PIK3R5: variants seen among roughly 807,000 people sequenced by gnomAD.
The protein encoded by PIK3R5 is phosphoinositide-3-kinase regulatory subunit 5.
A neutral mutation model predicts 94.9 loss-of-function variants in PIK3R5; 32 were observed. The ratio of observed to expected loss-of-function variants is 0.34; its 90% CI spans 0.25 to 0.45. The LOEUF (loss-of-function observed/expected upper bound fraction) is 0.45. Among genes scored for constraint, PIK3R5 ranks in the 20% least tolerant of loss-of-function variants. PIK3R5 has a pLI of 1.00. For missense variants in PIK3R5, 853 were observed against 1,144.6 expected (o/e 0.75, Z 3.68); for synonymous variants, 443 against 479.4 (o/e 0.92, Z 0.99).
intron 15 of PIK3R5, among the ~76,000 whole-genome samples, chr17:8,883,332 C>A (rs1301822391): frequency 6.6e-6 from 1 of 152,334 alleles, no homozygotes; most frequent in Non-Finnish European, 1.5e-5. Context: ...TGAGCCATTG[C>A]ACTCTAGCCT....
chr17:8,921,869 A>G (rs1032071107), intron 1 of PIK3R5, among the ~76,000 whole-genome samples: 3 of 152,222 alleles, frequency 2.0e-5, no homozygotes, highest in African/African-American at 7.2e-5. Flanking sequence ...TGGATTTGTC[A>G]AAGATTTCTT....
At chr17:8,905,808 G>T in intron 3 of PIK3R5, 71 bp from the exon 4 acceptor site, 1 of 909,354 alleles carries the variant, frequency 1.1e-6, no homozygotes, top group Non-Finnish European at 1.6e-6. Flanking sequence ...AGAATACAGT[G>T]GTTCTTCCTC....
intron 15 of PIK3R5, among the ~76,000 whole-genome samples, chr17:8,883,831 C>T (rs2089743115): frequency 6.6e-6 from 1 of 152,198 alleles, no homozygotes; most frequent in South Asian, 2.1e-4. Flanking sequence ...CCTTTGTTCA[C>T]TCTTAGGAAG....
In PIK3R5 at chr17:8,955,341, T is replaced by C. The variant is rs545346325; in HGVS notation, c.-14+10255A>G. On this transcript the variant is annotated intron_variant, in intron 1 of 18. Coordinates refer to ENST00000447110, the MANE Select transcript of PIK3R5 (RefSeq NM_001142633.3). This position sits in a 1 kb window ranked among gnomAD's most constrained non-coding sequence, Gnocchi z 4.4. ...GAGAGTCAGCACTGAACAAAATGAT[T>C]GGAAAGCTTCCCTCATTGGGAAGGG... Among the ~76,000 whole-genome samples, 1 of 152,164 alleles carries C rather than the reference T, an allele frequency of 6.6e-6. No individual in the cohort carries two copies. Among genetic ancestry groups the C allele is most frequent in the East Asian group, 1.9e-4 (1 of 5,184 alleles).
rs764005691 is a variant in PIK3R5 at position 8,887,667 on chromosome 17, G to A, written c.1633C>T (p.Arg545Cys). ...TTGAAGAACCGTGTGAGGAGTGGGC[G>A]ATTGTTCTCCAGCCGCCTGGCAAGA... The part of the protein sequence containing the change: ...YSNLRRLENN[R>C]PLLTRFFKLQ... The change falls in exon 11 of 19, where the codon CGC becomes TGC. Residue 545 changes from arginine to cysteine, a missense_variant. Arg to Cys is a radical substitution (Grantham distance 180). Transcript: ENST00000447110. The A allele has an allele frequency of 2.2e-5, 36 of 1,601,326 alleles. No homozygotes were observed. Among genetic ancestry groups the A allele is most frequent in the South Asian group, 4.5e-5 (4 of 89,040 alleles).
chr17:8,919,194 T>C, intron 1 of PIK3R5, among the ~76,000 whole-genome samples: 1 of 152,366 alleles, frequency 6.6e-6, no homozygotes, highest in Middle Eastern at 3.4e-3. Context: ...ATGAGGTCTG[T>C]CGTTTAGTTA....
chr17:8,912,852 C>G (rs886402116), intron 1 of PIK3R5, among the ~76,000 whole-genome samples: 4 of 152,242 alleles, frequency 2.6e-5, no homozygotes, highest in Admixed American at 6.5e-5. Flanking sequence ...AAAACTAAGC[C>G]CTTTGTGAGC....
At chr17:8,919,104 A>C (rs547018818) in intron 1 of PIK3R5, among the ~76,000 whole-genome samples, 1 of 152,346 alleles carries the variant, frequency 6.6e-6, no homozygotes, top group East Asian at 1.9e-4. Context: ...GGAGACACAA[A>C]GGCTAAATGC....
At chr17:8,959,969 G>A (rs986495363) in intron 1 of PIK3R5, among the ~76,000 whole-genome samples, 5 of 152,178 alleles carry the variant, frequency 3.3e-5, no homozygotes, top group Admixed American at 2.0e-4. Context: ...AGCGGGACAC[G>A]CTATCTGGTG....
chr17:8,912,845 A>G (rs1230198224), intron 1 of PIK3R5, among the ~76,000 whole-genome samples: 1 of 152,224 alleles, frequency 6.6e-6, no homozygotes, highest in Non-Finnish European at 1.5e-5. Context: ...CCAAGTGAAA[A>G]CTAAGCCCTT....
Position 8,889,092 on chromosome 17 carries a change from C to T in PIK3R5, c.895+47G>A, listed in dbSNP as rs1475073081. ...CATGGACCCAGGACCAGAAACACAGCTCAGGCAGTGTGGGGCATGGGTGTC... is the reference window on the plus strand; with the variant it reads ...CATGGACCCAGGACCAGAAACACAGTTCAGGCAGTGTGGGGCATGGGTGTC... On this transcript the variant is annotated intron_variant, in intron 9 of 18. Coordinates refer to ENST00000447110, the MANE Select transcript of PIK3R5 (RefSeq NM_001142633.3). This position sits in a 1 kb window ranked among gnomAD's most constrained non-coding sequence, Gnocchi z 4.1. The T allele has an allele frequency of 2.5e-6, 4 of 1,580,436 alleles. No homozygotes were observed. The highest frequency in any genetic ancestry group is 3.5e-6 in the Non-Finnish European group (4 of 1,157,582).
In PIK3R5 at chr17:8,904,665, G is replaced by T; in HGVS notation, c.412+112C>A. The T allele has an allele frequency of 9.5e-7, 1 of 1,051,024 alleles. No individual in the cohort carries two copies. Among genetic ancestry groups the T allele is most frequent in the Non-Finnish European group, 1.4e-6 (1 of 705,566 alleles). 65.1% of individuals were successfully genotyped at this position (1,051,024 alleles called of 1,614,324 possible). ...GTTTGTGAACCAAGGCGTTGGCAGA[G>T]ATGAATCAAAGGATGCAAGGTAAGG... On this transcript the variant is annotated intron_variant, in intron 5 of 18. Coordinates refer to ENST00000447110, the MANE Select transcript of PIK3R5 (RefSeq NM_001142633.3). The surrounding 1 kb of genome is among the most constrained non-coding windows in gnomAD (Gnocchi z 5.1).
Position 8,887,142 on chromosome 17 carries a change from C to T in PIK3R5, c.1859G>A (p.Arg620His), listed in dbSNP as rs1344760998. The T allele has an allele frequency of 6.8e-6, 11 of 1,613,908 alleles. No individual in the cohort carries two copies. The highest frequency in any genetic ancestry group is 1.1e-5 in the South Asian group (1 of 91,092). Residue 620 changes from arginine (R) to histidine (H), a missense_variant, in exon 12 of 19, where the codon CGC becomes CAC. Transcript: ENST00000447110. Reference sequence around the variant, plus strand: ...CAGGTGCATGAGGCCCAGTACATTGCGCTCATACCAGGGGTCCAGCATGCC... The same window carrying T: ...CAGGTGCATGAGGCCCAGTACATTGTGCTCATACCAGGGGTCCAGCATGCC... ...YLGMLDPWYERNVLGLMHLPP... is the reference protein window; with the variant it reads ...YLGMLDPWYEHNVLGLMHLPP...
chr17:8,931,517 T>C (rs903334231), intron 1 of PIK3R5, among the ~76,000 whole-genome samples: 1 of 152,120 alleles, frequency 6.6e-6, no homozygotes, highest in Non-Finnish European at 1.5e-5. Context: ...GGAAGGCACT[T>C]CCGTTGTTTG....
chr17:8,951,701 TAATA>T (rs1156271521), intron 1 of PIK3R5, among the ~76,000 whole-genome samples: 1 of 152,214 alleles, frequency 6.6e-6, no homozygotes, highest in Non-Finnish European at 1.5e-5. Context: ...TGTTTTTTAT[TAATA>T]GTTTTCAGCA....
intron 1 of PIK3R5, among the ~76,000 whole-genome samples, chr17:8,942,895 T>C (rs545108351): frequency 3.7e-4 from 56 of 151,364 alleles, no homozygotes; most frequent in Admixed American, 2.0e-3. Flanking sequence ...TGTGAACCAC[T>C]GCACCCGGCC....
At position 8,945,222 on chromosome 17, in the gene PIK3R5, A is replaced by G. The variant is rs2091252681; in HGVS notation, c.-14+20374T>C. Among the ~76,000 whole-genome samples, 1 of 151,986 alleles carries G rather than the reference A, an allele frequency of 6.6e-6. No homozygotes were observed. The highest frequency in any genetic ancestry group is 2.4e-5 in the African/African-American group (1 of 41,346). On this transcript the variant is annotated intron_variant, in intron 1 of 18. Transcript: ENST00000447110. The surrounding 1 kb of genome is among the most constrained non-coding windows in gnomAD (Gnocchi z 4.0). Reference sequence around the variant, plus strand: ...ACTCCCTGGCAGGCCCTGGCTTCCTATACACTCAAGAGGCACAGCTAAGGC... The same window carrying G: ...ACTCCCTGGCAGGCCCTGGCTTCCTGTACACTCAAGAGGCACAGCTAAGGC...
At position 8,911,717 on chromosome 17, in the gene PIK3R5, A is replaced by G; in HGVS notation, c.-13-210T>C. ...CCACATCTGAGTGGCAGGACAGAGC[A>G]CCCCTGCAGCAGAACGGGACAGAGG... On this transcript the variant is annotated intron_variant, in intron 1 of 18. Transcript: ENST00000447110. The surrounding 1 kb of genome is among the most constrained non-coding windows in gnomAD (Gnocchi z 5.3). 1 of 527,098 alleles carries G rather than the reference A, an allele frequency of 1.9e-6. No individual in the cohort carries two copies. The highest frequency in any genetic ancestry group is 2.2e-5 in the South Asian group (1 of 45,258). The allele number at this position is 527,098 out of a possible 1,614,324, so 32.7% of individuals were successfully genotyped here.
Position 8,889,615 on chromosome 17 carries a change from TC to T in PIK3R5, c.811+357del, listed in dbSNP as rs1227296113. On this transcript the variant is annotated intron_variant, in intron 8 of 18. Transcript: ENST00000447110. The surrounding 1 kb of genome is among the most constrained non-coding windows in gnomAD (Gnocchi z 4.1). ...GTACTGGAGTCATAGAGACGATGTT[TC>T]CCAGGCTCCTTTGGGGCAAGATGTG... Among the ~76,000 whole-genome samples the T allele has an allele frequency of 5.9e-5, 9 of 152,174 alleles. No individual in the cohort carries two copies. Among genetic ancestry groups the T allele is most frequent in the Admixed American group, 1.3e-4 (2 of 15,278 alleles).
Sources: allele counts gnomAD v4.1 joint callset (sites outside exome capture counted in the v4.1 genomes callset), GRCh38; gene constraint gnomAD v4.1.1; non-coding constraint Gnocchi (gnomAD v3.1); transcripts MANE v1.5; gene names NCBI Gene and HGNC (gene_info 2026-07-23, HGNC 2026-07-21).